The following ARHGAP10 variants were observed in gnomAD, a reference collection of about 807,000 sequenced individuals.
ARHGAP10 encodes the protein rho GTPase-activating protein 10.
A neutral mutation model predicts 108.6 loss-of-function variants in ARHGAP10; 87 were observed. The ratio of observed to expected loss-of-function variants is 0.80; its 90% CI spans 0.67 to 0.96. The LOEUF (loss-of-function observed/expected upper bound fraction) is 0.96. Ranked by LOEUF, ARHGAP10 falls within the 40% of genes least tolerant of loss-of-function variation. ARHGAP10 has a pLI of 0.00. For synonymous variants in ARHGAP10, 347 were observed against 341.1 expected (o/e 1.02, Z -0.19); for missense variants, 939 against 954.5 (o/e 0.98, Z 0.21).
intron 13 of ARHGAP10, among the ~76,000 whole-genome samples, chr4:147,935,156 T>C (rs168367): frequency 0.95 from 144,076 of 152,220 alleles, 68,217 homozygotes; most frequent in East Asian, 0.97. Flanking sequence ...ATGGTCGAGC[T>C]GTCTGTTGTG....
intron 7 of ARHGAP10, among the ~76,000 whole-genome samples, chr4:147,867,416 A>G (rs1405023458): frequency 1.3e-5 from 2 of 152,170 alleles, no homozygotes; most frequent in African/African-American, 4.8e-5. Flanking sequence ...GTCCTCACTG[A>G]CAAGCTGGTC....
intron 18 of ARHGAP10, among the ~76,000 whole-genome samples, chr4:147,995,134 C>A (rs74905184): frequency 0.019 from 2,871 of 152,242 alleles, 61 homozygotes; most frequent in South Asian, 0.093. Context: ...TGAGATAGAT[C>A]CAAACTGTTA....
intron 15 of ARHGAP10, among the ~76,000 whole-genome samples, chr4:147,951,831 G>A (rs566740021): frequency 5.3e-5 from 8 of 152,142 alleles, no homozygotes; most frequent in Admixed American, 1.3e-4. Flanking sequence ...TATAGTGTAA[G>A]TTTCGGTAAG....
chr4:147,893,532 G>A (rs1735873151), intron 10 of ARHGAP10, among the ~76,000 whole-genome samples: 2 of 146,496 alleles, frequency 1.4e-5, no homozygotes, highest in African/African-American at 2.5e-5. Context: ...ATATATTTCA[G>A]TAAATATATA....
chr4:147,972,474 AG>A lies in ARHGAP10; in HGVS notation c.1716+5636del, dbSNP rs567467562. Among the ~76,000 whole-genome samples the A allele has an allele frequency of 4.3e-4, 65 of 152,274 alleles. No individual in the cohort carries two copies. In the South Asian group the frequency reaches 0.013, roughly 31 times the overall value. On this transcript the variant is annotated intron_variant, in intron 18 of 22. Transcript: ENST00000336498. Reference sequence around the variant, plus strand: ...TGCTCATGAGCACACAGCTAGTAAAAGTGAAGTGCTTGGGTTTGAACTGAGA... The same window carrying A: ...TGCTCATGAGCACACAGCTAGTAAAATGAAGTGCTTGGGTTTGAACTGAGA...
At chr4:147,810,214 C>A (rs1234272151) in intron 1 of ARHGAP10, among the ~76,000 whole-genome samples, 3 of 152,192 alleles carry the variant, frequency 2.0e-5, no homozygotes. Context: ...AATACTGTTT[C>A]ATTGTTCGAA....
intron 1 of ARHGAP10, among the ~76,000 whole-genome samples, chr4:147,794,337 G>T (rs1731232549): frequency 6.6e-6 from 1 of 152,182 alleles, no homozygotes; most frequent in Admixed American, 6.5e-5. Context: ...AACATTTTAT[G>T]TCAATCTTTG....
intron 11 of ARHGAP10, among the ~76,000 whole-genome samples, chr4:147,907,394 A>T (rs1216724427): frequency 1.3e-5 from 2 of 152,218 alleles, no homozygotes; most frequent in African/African-American, 4.8e-5. Context: ...CACAGAACCA[A>T]TTTAAATAAA....
At chr4:147,865,926 G>A (rs190543039) in intron 6 of ARHGAP10, 9 of 152,168 alleles carry the variant, frequency 5.9e-5, no homozygotes, top group African/African-American at 1.2e-4. Context: ...GTGTTGTACC[G>A]AACTCATTAT....
chr4:147,810,680 C>T (rs866317530), intron 1 of ARHGAP10, among the ~76,000 whole-genome samples: 33 of 152,244 alleles, frequency 2.2e-4, no homozygotes, highest in Middle Eastern at 3.4e-3. Flanking sequence ...AGTGATTTGC[C>T]TCCACATCAA....
intron 1 of ARHGAP10, among the ~76,000 whole-genome samples, chr4:147,759,829 A>C (rs1026328507): frequency 3.9e-5 from 6 of 151,986 alleles, no homozygotes; most frequent in Admixed American, 3.9e-4. Context: ...GCTCACCACA[A>C]CCCTCGCCTT....
chr4:148,064,743 T>C (rs1358178749), intron 22 of ARHGAP10, among the ~76,000 whole-genome samples: 1 of 149,282 alleles, frequency 6.7e-6, no homozygotes, highest in Non-Finnish European at 1.5e-5. Context: ...CCATCTCATC[T>C]TGTGGGTCTT....
At chr4:148,036,858 T>A (rs1728400550) in intron 19 of ARHGAP10, among the ~76,000 whole-genome samples, 1 of 152,184 alleles carries the variant, frequency 6.6e-6, no homozygotes, top group Non-Finnish European at 1.5e-5. Context: ...CATGTATAGA[T>A]TACAACTTCT....
At chr4:147,995,651 G>C (rs79280575) in intron 18 of ARHGAP10, among the ~76,000 whole-genome samples, 7,041 of 152,140 alleles carry the variant, frequency 0.046, 173 homozygotes, top group South Asian at 0.057. Flanking sequence ...ATAATAACCT[G>C]GTATCAGTCA....
At chr4:147,874,297 G>A (rs1044458375) in intron 7 of ARHGAP10, among the ~76,000 whole-genome samples, 3 of 152,168 alleles carry the variant, frequency 2.0e-5, no homozygotes, top group African/African-American at 7.2e-5. Context: ...GAACACGGTG[G>A]TGCTGACTCG....
chr4:147,975,989 T>G (rs1279427791), intron 18 of ARHGAP10, among the ~76,000 whole-genome samples: 1 of 152,230 alleles, frequency 6.6e-6, no homozygotes, highest in East Asian at 1.9e-4. Flanking sequence ...GGATTCCCAT[T>G]CAGTCTCAAC....
intron 1 of ARHGAP10, among the ~76,000 whole-genome samples, chr4:147,804,234 T>G (rs916600308): frequency 6.6e-6 from 1 of 152,180 alleles, no homozygotes; most frequent in Non-Finnish European, 1.5e-5. Context: ...AGCTTCCACA[T>G]ATAACTGAGA....
Position 147,948,065 on chromosome 4 carries a change from T to A in ARHGAP10, c.1391+1361T>A, listed in dbSNP as rs557921012. On this transcript the variant is annotated intron_variant, in intron 15 of 22. Transcript: ENST00000336498. ...CAGCAATTCTCCTGCCTCAGCCTCC[T>A]GAGTAGCTGAGATTACAGGCACTCG... is the stretch of plus-strand genomic sequence containing the variant. Among the ~76,000 whole-genome samples, 3 of 151,774 alleles carry A rather than the reference T, an allele frequency of 2.0e-5. No individual in the cohort carries two copies. The East Asian group carries it at 5.9e-4, about 30-fold the overall frequency.
chr4:147,955,845 A>C (rs1738770401), intron 16 of ARHGAP10, among the ~76,000 whole-genome samples: 1 of 152,146 alleles, frequency 6.6e-6, no homozygotes, highest in Admixed American at 6.6e-5. Context: ...ATATTATGAG[A>C]TAATGCCAGA....
Sources: gnomAD v4.1 joint callset for allele counts (sites outside exome capture counted in the v4.1 genomes callset) on GRCh38, gnomAD v4.1.1 for gene constraint, MANE v1.5 for transcripts, NCBI Gene and HGNC (gene_info 2026-07-23, HGNC 2026-07-21) for gene names.